The following SH2D4B variants were observed in gnomAD, a reference collection of about 807,000 sequenced individuals.
SH2D4B encodes SH2 domain containing 4B.
In SH2D4B, 45 loss-of-function variants were observed where a neutral mutation model predicts 61.5. That is an observed-to-expected ratio of 0.73 (90% CI 0.58 to 0.94). SH2D4B has a LOEUF of 0.94. SH2D4B is among the 40% of genes least tolerant of loss of function. The pLI is 0.00. For synonymous variants in SH2D4B, 224 were observed against 220.4 expected (o/e 1.02, Z -0.14); for missense variants, 572 against 574.2 (o/e 1.00, Z 0.04).
intron 3 of SH2D4B, among the ~76,000 whole-genome samples, chr10:80,583,129 TA>T (rs1842202541): frequency 6.6e-6 from 1 of 152,066 alleles, no homozygotes. Context: ...CAAACGAACT[TA>T]AACCATACTC....
At chr10:80,642,863 T>C (rs1173842700) in intron 7 of SH2D4B, 3 of 152,536 alleles carry the variant, frequency 2.0e-5, no homozygotes, top group Non-Finnish European at 4.4e-5. Flanking sequence ...AAAAATATGG[T>C]GCCAGTTCAG....
At chr10:80,579,348 T>G (rs192413180) in intron 3 of SH2D4B, among the ~76,000 whole-genome samples, 1 of 152,228 alleles carries the variant, frequency 6.6e-6, no homozygotes, top group Non-Finnish European at 1.5e-5. Context: ...ACCATTCTGC[T>G]GTGGCTGGTG....
chr10:80,636,836 T>A (rs1840183837), intron 7 of SH2D4B, among the ~76,000 whole-genome samples: 1 of 152,220 alleles, frequency 6.6e-6, no homozygotes, highest in African/African-American at 2.4e-5. Context: ...CCATTGCTTT[T>A]GTTGTTTTAG....
chr10:80,585,004 C>T (rs1913759), intron 3 of SH2D4B, among the ~76,000 whole-genome samples: 40,855 of 152,032 alleles, frequency 0.27, 6,423 homozygotes, highest in African/African-American at 0.43. Flanking sequence ...TCTGGTGAAG[C>T]TATTTAGAGA....
chr10:80,630,048 T>C (rs1236580528), intron 6 of SH2D4B, among the ~76,000 whole-genome samples: 3 of 152,110 alleles, frequency 2.0e-5, no homozygotes, highest in Non-Finnish European at 4.4e-5. Context: ...GGGAGGGTGC[T>C]GGAGAAGGTG....
chr10:80,607,156 G>C (rs952523192), intron 5 of SH2D4B: 4 of 152,148 alleles, frequency 2.6e-5, no homozygotes, highest in African/African-American at 7.2e-5. Context: ...AATTCAAATC[G>C]ACTGCTTAGA....
At chr10:80,564,930 A>G (rs1159198340) in intron 1 of SH2D4B, among the ~76,000 whole-genome samples, 1 of 152,260 alleles carries the variant, frequency 6.6e-6, no homozygotes, top group East Asian at 1.9e-4. Flanking sequence ...ACTCAGAATC[A>G]CAGCAGATAC....
intron 1 of SH2D4B, among the ~76,000 whole-genome samples, chr10:80,548,300 G>A (rs1443408415): frequency 6.6e-6 from 1 of 152,186 alleles, no homozygotes; most frequent in Non-Finnish European, 1.5e-5. Flanking sequence ...GAGTAGCTGG[G>A]ATTAAGGTGC....
intron 1 of SH2D4B, among the ~76,000 whole-genome samples, chr10:80,548,284 C>T (rs1841708146): frequency 6.6e-6 from 1 of 152,204 alleles, no homozygotes; most frequent in Non-Finnish European, 1.5e-5. Flanking sequence ...CCTGCCTCAG[C>T]CTCCTGAGTA....
At chr10:80,629,814 C>A (rs907863478) in intron 6 of SH2D4B, among the ~76,000 whole-genome samples, 2 of 152,118 alleles carry the variant, frequency 1.3e-5, no homozygotes, top group African/African-American at 4.8e-5. Context: ...TAGATGAGGA[C>A]CTCAAACTCG....
Position 80,549,198 on chromosome 10 carries a change from C to T in SH2D4B, c.184+10683C>T, listed in dbSNP as rs1245445790. 3.4e-4 allele frequency among the ~76,000 whole-genome samples: 3 copies of T among 8,922 alleles called. No homozygotes were observed. In the East Asian group the frequency reaches 0.25, roughly 744 times the overall value. 5.9% of individuals were successfully genotyped at this position (8,922 alleles called of 152,430 possible). A position where few individuals can be genotyped will look rare whatever the true frequency, so the allele number is the denominator to read the frequency against. ...GGGATCTCCGAGAGCTGTGATGGGA[C>T]TTGATTGTGTGTGTGTGTGTGTGTG... On this transcript the variant is annotated intron_variant, in intron 1 of 7. Transcript: ENST00000646907.
chr10:80,591,427 C>G (rs979466049), intron 4 of SH2D4B, among the ~76,000 whole-genome samples: 3 of 150,888 alleles, frequency 2.0e-5, no homozygotes, highest in African/African-American at 7.3e-5. Context: ...GGCCTTCTTG[C>G]TAGTGGCGAC....
At chr10:80,639,232 C>T (rs1435208902) in intron 7 of SH2D4B, among the ~76,000 whole-genome samples, 10 of 152,092 alleles carry the variant, frequency 6.6e-5, no homozygotes, top group Non-Finnish European at 1.0e-4. Context: ...GGAATAAGTG[C>T]AATGTGGTGC....
At chr10:80,586,692 G>A (rs1019295766) in intron 3 of SH2D4B, among the ~76,000 whole-genome samples, 1 of 152,220 alleles carries the variant, frequency 6.6e-6, no homozygotes, top group African/African-American at 2.4e-5. Context: ...GAGAATAAAA[G>A]CAGGCTGCCC....
chr10:80,566,090 CAAAAAAAAAAAA>C (rs60774703), intron 1 of SH2D4B, among the ~76,000 whole-genome samples: 7 of 23,806 alleles, frequency 2.9e-4, no homozygotes, highest in African/African-American at 3.4e-4. Context: ...GACTCCGGCT[CAAAAAAAAAAAA>C]AAAAAAAAAA....
chr10:80,564,356 G>A (rs778926672), intron 1 of SH2D4B, among the ~76,000 whole-genome samples: 3 of 152,148 alleles, frequency 2.0e-5, no homozygotes, highest in Admixed American at 6.5e-5. Flanking sequence ...TGAATCCAGC[G>A]TCCAATTATC....
chr10:80,556,558 T>C (rs1331184058), intron 1 of SH2D4B, among the ~76,000 whole-genome samples: 1 of 152,204 alleles, frequency 6.6e-6, no homozygotes, highest in Non-Finnish European at 1.5e-5. Context: ...ATGAAAAAGG[T>C]GTATTGCTCC....
chr10:80,564,807 A>G (rs749213219), intron 1 of SH2D4B, among the ~76,000 whole-genome samples: 16 of 152,238 alleles, frequency 1.1e-4, no homozygotes, highest in Non-Finnish European at 1.6e-4. Context: ...TAACATAACC[A>G]TTAATTTTGT....
At chr10:80,618,849 A>G (rs1842686493) in intron 6 of SH2D4B, among the ~76,000 whole-genome samples, 1 of 152,010 alleles carries the variant, frequency 6.6e-6, no homozygotes, top group South Asian at 2.1e-4. Context: ...TTCAATTCTG[A>G]GCTAATAATT....
Sources: gnomAD v4.1 joint callset for allele counts (sites outside exome capture counted in the v4.1 genomes callset) on GRCh38, gnomAD v4.1.1 for gene constraint, MANE v1.5 for transcripts, NCBI Gene and HGNC (gene_info 2026-07-23, HGNC 2026-07-21) for gene names.